The following SPATA13 variants were observed in gnomAD, a reference collection of about 807,000 sequenced individuals.
SPATA13 encodes the protein spermatogenesis associated 13.
Under a neutral mutation model 104.0 loss-of-function variants are expected in SPATA13, and 50 were observed. That is an observed-to-expected ratio of 0.48 (90% CI 0.38 to 0.61). The LOEUF (loss-of-function observed/expected upper bound fraction) is 0.61, where lower values mean the gene tolerates loss of function less well. SPATA13 is among the 20% of genes least tolerant of loss of function. SPATA13 has a pLI of 0.00. For missense variants in SPATA13, 1,524 were observed against 1,690.6 expected, an observed-to-expected ratio of 0.90 and a Z score of 1.73; for synonymous variants, 606 against 667.5, an observed-to-expected ratio of 0.91 and a Z score of 1.42.
At chr13:24,028,020 C>A (rs1207996399) in intron 3 of SPATA13, among the ~76,000 whole-genome samples, 1 of 152,114 alleles carries the variant, frequency 6.6e-6, no homozygotes, top group Non-Finnish European at 1.5e-5. Flanking sequence ...TTATATTTTT[C>A]TTTGATTCAT....
At position 24,286,095 on chromosome 13, in the gene SPATA13, C is replaced by T; in HGVS notation, c.2302-119C>T. ...CACATAGTCAGTGTGGACCAAATGCCACCAGCATATCCAAGTGAGAGGATA... is the reference window on the plus strand; with the variant it reads ...CACATAGTCAGTGTGGACCAAATGCTACCAGCATATCCAAGTGAGAGGATA... On this transcript the variant is annotated intron_variant, in intron 5 of 12. Transcript: ENST00000382108. This position sits in a 1 kb window ranked among gnomAD's most constrained non-coding sequence, Gnocchi z 4.9. 1 of 958,088 alleles carries T rather than the reference C, an allele frequency of 1.0e-6. No homozygotes were observed. The highest frequency in any genetic ancestry group is 2.4e-5 in the Admixed American group (1 of 41,678). The allele number at this position is 958,088 out of a possible 1,614,324, so 59.3% of individuals were successfully genotyped here.
At chr13:23,985,947 G>T (rs1272846508) in intron 2 of SPATA13, among the ~76,000 whole-genome samples, 1 of 152,170 alleles carries the variant, frequency 6.6e-6, no homozygotes, top group African/African-American at 2.4e-5. Flanking sequence ...GTATCCCCTG[G>T]ATTAGCTGCA....
chr13:24,062,419 ATTC>A (rs1307934965), intron 3 of SPATA13, among the ~76,000 whole-genome samples: 1 of 152,134 alleles, frequency 6.6e-6, no homozygotes, highest in Non-Finnish European at 1.5e-5. Flanking sequence ...TCAGGATGAA[ATTC>A]TTCTCCAATG....
intron 3 of SPATA13, among the ~76,000 whole-genome samples, chr13:24,083,938 C>A (rs1011882614): frequency 2.0e-5 from 3 of 152,188 alleles, no homozygotes; most frequent in Admixed American, 6.5e-5. Flanking sequence ...TGAAGCATCT[C>A]ATGAATTTCT....
intron 3 of SPATA13, among the ~76,000 whole-genome samples, chr13:24,054,217 A>G (rs1440913953): frequency 1.3e-5 from 2 of 152,312 alleles, no homozygotes; most frequent in African/African-American, 4.8e-5. Context: ...CCCCACAGCA[A>G]CTATGCAGTG....
chr13:24,093,771 G>A (rs1366761012), intron 3 of SPATA13, among the ~76,000 whole-genome samples: 1 of 152,156 alleles, frequency 6.6e-6, no homozygotes, highest in Non-Finnish European at 1.5e-5. Context: ...GGCAGGAAGG[G>A]TACAGGGGAA....
At chr13:24,098,403 T>G (rs1158815494) in intron 3 of SPATA13, among the ~76,000 whole-genome samples, 1 of 151,482 alleles carries the variant, frequency 6.6e-6, no homozygotes, top group African/African-American at 2.4e-5. Flanking sequence ...TAATTAAGAC[T>G]TAAACGTGGC....
intron 3 of SPATA13, among the ~76,000 whole-genome samples, chr13:24,042,099 T>C (rs9580838): frequency 6.6e-6 from 1 of 152,006 alleles, no homozygotes. Flanking sequence ...GCAAGCTCCC[T>C]TCAGGCACAT....
At chr13:24,169,124 C>T (rs190286476) in intron 1 of SPATA13, among the ~76,000 whole-genome samples, 6 of 152,128 alleles carry the variant, frequency 3.9e-5, no homozygotes, top group East Asian at 3.9e-4. Context: ...GGGATCTCTG[C>T]GTGTCCTTGG....
chr13:24,074,013 G>A (rs950690617), intron 3 of SPATA13, among the ~76,000 whole-genome samples: 3 of 152,206 alleles, frequency 2.0e-5, no homozygotes, highest in Admixed American at 6.5e-5. Context: ...TTTACACTTA[G>A]CACTTCTTAA....
At chr13:24,204,738 A>C (rs942286578) in intron 1 of SPATA13, among the ~76,000 whole-genome samples, 1 of 152,206 alleles carries the variant, frequency 6.6e-6, no homozygotes, top group Non-Finnish European at 1.5e-5. Context: ...AGTTAGCATA[A>C]TGTCCTCCAG....
chr13:24,277,261 G>A (rs1441072383), intron 4 of SPATA13, among the ~76,000 whole-genome samples: 5 of 151,948 alleles, frequency 3.3e-5, no homozygotes, highest in Non-Finnish European at 7.4e-5. Context: ...TGGCTAACAT[G>A]GTGAAACCAC....
chr13:24,259,676 A>G (rs1199019193), intron 4 of SPATA13, among the ~76,000 whole-genome samples: 1 of 152,216 alleles, frequency 6.6e-6, no homozygotes, highest in East Asian at 1.9e-4. Context: ...CAACATTATG[A>G]TACTTTGATG....
In SPATA13 at chr13:24,201,653, A is replaced by G. The variant is rs533015447; in HGVS notation, c.-111-21166A>G. On this transcript the variant is annotated intron_variant, in intron 1 of 12. Coordinates refer to ENST00000382108, the MANE Select transcript of SPATA13 (RefSeq NM_001166271.3). ...ACAGGGTTTCACCATGTTGGCCAAA[A>G]TGGTCTTGATCTCTTGAGCTCATGG... Among the ~76,000 whole-genome samples the G allele has an allele frequency of 4.9e-4, 74 of 152,252 alleles. 1 individual carries two copies. The highest frequency in any genetic ancestry group is 1.6e-3 in the African/African-American group (65 of 41,544).
chr13:24,258,165 A>G (rs575532563), intron 4 of SPATA13, among the ~76,000 whole-genome samples: 162 of 151,904 alleles, frequency 1.1e-3, no homozygotes, highest in African/African-American at 3.8e-3. Flanking sequence ...AACACGGAAG[A>G]TAGAGGTTGC....
At position 24,302,748 on chromosome 13, in the gene SPATA13, A is replaced by T; in HGVS notation, c.3809A>T (p.Asn1270Ile). The change falls in exon 13 of 13, where the codon AAC becomes ATC. Residue 1270 changes from asparagine to isoleucine, a missense_variant. Around this residue, in one of 2 missense-constraint regions of SPATA13, gnomAD observed 435 missense variants for 554.8 expected, o/e 0.78. Coordinates refer to ENST00000382108, the MANE Select transcript of SPATA13 (RefSeq NM_001166271.3). ...TCCTCGCTCTTCTGGCACACCTTCA[A>T]CAGGCTCACCCCCTTCCGGAAATGA... ...RKSSLFWHTF[N>I]RLTPFRK The T allele has an allele frequency of 6.2e-7, 1 of 1,614,154 alleles. No homozygotes were observed.
At chr13:24,056,172 A>C (rs1349837934) in intron 3 of SPATA13, among the ~76,000 whole-genome samples, 1 of 152,228 alleles carries the variant, frequency 6.6e-6, no homozygotes, top group African/African-American at 2.4e-5. Flanking sequence ...AGAGGAAGTG[A>C]GTCAGTTTGT....
intron 3 of SPATA13, among the ~76,000 whole-genome samples, chr13:24,072,272 G>A (rs933695733): frequency 6.6e-6 from 1 of 152,184 alleles, no homozygotes; most frequent in Non-Finnish European, 1.5e-5. Flanking sequence ...CAAAACTGTT[G>A]TCTCTCTTTA....
chr13:24,122,619 G>C, intron 3 of SPATA13: 2 of 1,427,398 alleles, frequency 1.4e-6, no homozygotes, highest in South Asian at 1.1e-5. Context: ...TGCAACTCCT[G>C]TAAGAACCTT....
Sources: allele counts gnomAD v4.1 joint callset (sites outside exome capture counted in the v4.1 genomes callset), GRCh38; gene constraint gnomAD v4.1.1; regional missense constraint gnomAD v4.1.1; non-coding constraint Gnocchi (gnomAD v3.1); transcripts MANE v1.5; gene names NCBI Gene and HGNC (gene_info 2026-07-23, HGNC 2026-07-21).